Variants in RALB observed in about 807,000 individuals in gnomAD.
RALB encodes ras-related protein Ral-B.
A neutral mutation model predicts 21.3 loss-of-function variants in RALB; 16 were observed. The ratio of observed to expected loss-of-function variants is 0.75; its 90% CI spans 0.51 to 1.14. The LOEUF is 1.14. Ranked by LOEUF, RALB falls within the 50% of genes most tolerant of loss-of-function variation. RALB has a pLI of 0.00. For missense variants in RALB, 161 were observed against 256.2 expected (o/e 0.63, Z 2.54); for synonymous variants, 93 against 96.1 (o/e 0.97, Z 0.19).
chr2:120,280,704 A>T (rs1179321655), intron 2 of RALB: 1 of 232,574 alleles, frequency 4.3e-6, no homozygotes, highest in Non-Finnish European at 8.0e-6. Flanking sequence ...CCCAGAACTT[A>T]AAGTAAAAAG....
chr2:120,275,757 T>G (rs1282675157), intron 1 of RALB, among the ~76,000 whole-genome samples: 1 of 152,168 alleles, frequency 6.6e-6, no homozygotes, highest in Non-Finnish European at 1.5e-5. Flanking sequence ...TAAAGTGGCC[T>G]CGTTGTCTGG....
chr2:120,294,314 A>G lies in RALB; in HGVS notation c.*1054A>G, dbSNP rs1690372690. 2.5e-6 allele frequency: 1 copy of G among 398,728 alleles called. No homozygotes were observed. 24.7% of individuals were successfully genotyped at this position (398,728 alleles called of 1,614,324 possible). A position where few individuals can be genotyped will look rare whatever the true frequency, so the allele number is the denominator to read the frequency against. ...ATTCTAAATTTAAAATTAGAAGTAG[A>G]GAGAGATAAGCCATCGCCCCTTTGC... On this transcript the variant is annotated 3_prime_UTR_variant, in exon 5 of 5. Transcript: ENST00000272519.
At chr2:120,242,905 C>T (rs952336335) in intron 1 of RALB, among the ~76,000 whole-genome samples, 124 of 152,260 alleles carry the variant, frequency 8.1e-4, no homozygotes, top group African/African-American at 2.7e-3. Flanking sequence ...GCAAGACCAC[C>T]ATCTCTGTTT....
At chr2:120,249,858 G>A (rs1457637367), upstream of RALB, among the ~76,000 whole-genome samples, 1 of 152,090 alleles carries the variant, frequency 6.6e-6, no homozygotes, top group African/African-American at 2.4e-5. Flanking sequence ...TTCCAGCCCT[G>A]TGTGACTCAC....
At chr2:120,284,969 C>T (rs76474601) in intron 2 of RALB, among the ~76,000 whole-genome samples, 4,081 of 152,230 alleles carry the variant, frequency 0.027, 86 homozygotes, top group Non-Finnish European at 0.04. Flanking sequence ...CTACTTCATT[C>T]CTTTCTCAAA....
intron 2 of RALB, among the ~76,000 whole-genome samples, chr2:120,285,577 G>A (rs1573356244): frequency 1.0e-5 from 1 of 99,164 alleles, no homozygotes; most frequent in Non-Finnish European, 2.2e-5. Flanking sequence ...AATTAAAAAA[G>A]AATTCCAGTT....
intron 1 of RALB, among the ~76,000 whole-genome samples, chr2:120,274,414 A>G (rs115719906): frequency 0.079 from 12,012 of 151,728 alleles, 634 homozygotes; most frequent in Non-Finnish European, 0.12. Context: ...GGTCAAGAGT[A>G]GGGGGGAGAA....
chr2:120,243,918 C>G (rs1229246977), intron 1 of RALB, among the ~76,000 whole-genome samples: 1 of 152,110 alleles, frequency 6.6e-6, no homozygotes. Context: ...TGTTCTCACA[C>G]TACTATAAAG....
intron 2 of RALB, among the ~76,000 whole-genome samples, chr2:120,282,861 A>G (rs1016367157): frequency 6.6e-6 from 1 of 152,174 alleles, no homozygotes; most frequent in African/African-American, 2.4e-5. Flanking sequence ...AATGTTCTGT[A>G]TCTATACTGT....
rs185657383 is a variant in RALB at position 120,293,619 on chromosome 2, G to A, written c.*359G>A. The A allele has an allele frequency of 4.1e-3, 672 of 163,812 alleles. 3 individuals are homozygous for A. The highest frequency in any genetic ancestry group is 0.014 in the African/African-American group (582 of 41,866). 10.1% of individuals were successfully genotyped at this position (163,812 alleles called of 1,614,324 possible). A position where few individuals can be genotyped will look rare whatever the true frequency, so the allele number is the denominator to read the frequency against. ...TAGTTTTATAACATTACCATCCTTCGTTTTGAACTACAGATGTTGTAGTGG... is the reference window on the plus strand; with the variant it reads ...TAGTTTTATAACATTACCATCCTTCATTTTGAACTACAGATGTTGTAGTGG... On this transcript the variant is annotated 3_prime_UTR_variant, in exon 5 of 5. Coordinates refer to ENST00000272519, the MANE Select transcript of RALB (RefSeq NM_002881.3).
At chr2:120,278,891 T>C in intron 2 of RALB, 113 bp downstream of exon 2, 1 of 986,684 alleles carries the variant, frequency 1.0e-6, no homozygotes, top group Non-Finnish European at 1.4e-6. Context: ...GGAGCAAGTC[T>C]GTGTTGAGGT....
intron 1 of RALB, among the ~76,000 whole-genome samples, chr2:120,246,856 G>C (rs1688978751): frequency 6.6e-6 from 1 of 150,440 alleles, no homozygotes; most frequent in South Asian, 2.2e-4. Context: ...AGCATCCAAG[G>C]AAGCCCTTGT....
At chr2:120,279,089 C>T (rs762302027) in intron 2 of RALB, among the ~76,000 whole-genome samples, 5 of 152,146 alleles carry the variant, frequency 3.3e-5, no homozygotes, top group Non-Finnish European at 7.3e-5. Flanking sequence ...ACAGATTTTC[C>T]AAACAACACA....
chr2:120,287,071 G>A (rs145358597), intron 3 of RALB, among the ~76,000 whole-genome samples: 14 of 152,294 alleles, frequency 9.2e-5, no homozygotes, highest in Non-Finnish European at 4.4e-5. Context: ...CTAGAGTTTA[G>A]TAGGGAACTG....
At chr2:120,245,820 C>A (rs920773301) in intron 1 of RALB, among the ~76,000 whole-genome samples, 1 of 152,214 alleles carries the variant, frequency 6.6e-6, no homozygotes, top group South Asian at 2.1e-4. Flanking sequence ...ATGCTGCCTT[C>A]CCACTGTGGA....
intron 1 of RALB, among the ~76,000 whole-genome samples, chr2:120,269,011 G>A (rs996674436): frequency 1.3e-5 from 2 of 152,066 alleles, no homozygotes; most frequent in African/African-American, 4.8e-5. Context: ...TTGCCATTTT[G>A]TACCTCCTCC....
intron 1 of RALB, among the ~76,000 whole-genome samples, chr2:120,246,181 A>C (rs1688968256): frequency 6.6e-6 from 1 of 152,206 alleles, no homozygotes; most frequent in Admixed American, 6.5e-5. Context: ...GGGGTTTGGC[A>C]TTTGTGGGTG....
Position 120,293,489 on chromosome 2 carries a change from C to T in RALB, c.*229C>T. 3.3e-6 allele frequency: 1 copy of T among 303,738 alleles called. No individual in the cohort carries two copies. Among genetic ancestry groups the T allele is most frequent in the Non-Finnish European group, 6.0e-6 (1 of 167,782 alleles). The allele number at this position is 303,738 out of a possible 1,614,324, so 18.8% of individuals were successfully genotyped here. A position where few individuals can be genotyped will look rare whatever the true frequency, so the allele number is the denominator to read the frequency against. On this transcript the variant is annotated 3_prime_UTR_variant, in exon 5 of 5. Transcript: ENST00000272519. ...GGAGGTTGTGGAATTTCTTTCTTCT[C>T]CCCTTCTTCCCTCCCAAAAGCTTAG...
At chr2:120,281,708 G>A (rs1406916232) in intron 2 of RALB, among the ~76,000 whole-genome samples, 1 of 152,182 alleles carries the variant, frequency 6.6e-6, no homozygotes, top group African/African-American at 2.4e-5. Flanking sequence ...AGAGAAGCAG[G>A]TTGGGAGATC....
Sources: allele counts gnomAD v4.1 joint callset (sites outside exome capture counted in the v4.1 genomes callset), GRCh38; gene constraint gnomAD v4.1.1; transcripts MANE v1.5; gene names NCBI Gene and HGNC (gene_info 2026-07-23, HGNC 2026-07-21).